NSL1: variants seen among roughly 807,000 people sequenced by gnomAD.
The protein encoded by NSL1 is NSL1 component of MIS12 kinetochore complex.
Under a neutral mutation model 25.4 loss-of-function variants are expected in NSL1, and 11 were observed. That is an observed-to-expected ratio of 0.43 (90% CI 0.27 to 0.72). NSL1 has a LOEUF of 0.72. NSL1 is among the 30% of genes least tolerant of loss of function. The probability of loss-of-function intolerance (pLI) is 0.19; values close to 1 mark genes in which losing one functional copy is unlikely to be tolerated. For synonymous variants in NSL1, 118 were observed against 120.6 expected (o/e 0.98, Z 0.14); for missense variants, 330 against 342.7 (o/e 0.96, Z 0.29).
chr1:212,791,700 T>C lies in NSL1; in HGVS notation c.64A>G (p.Thr22Ala). The change falls in exon 1 of 6, where the codon ACA (threonine) becomes GCA (alanine). Residue 22 changes from threonine to alanine, a missense_variant. Thr to Ala is a moderately conservative substitution (Grantham distance 58, BLOSUM62 0). Transcript: ENST00000366977. ...GCGGAGACCAAGGCCTGGCTCTCTG[T>C]GCCAGCCGCGAGCTCCTTGTCCCAT... The part of the protein sequence containing the change: ...PPWDKELAAG[T>A]ESQALVSATP... 6.2e-7 allele frequency: 1 copy of C among 1,613,864 alleles called. No individual in the cohort carries two copies. The highest frequency in any genetic ancestry group is 8.5e-7 in the Non-Finnish European group (1 of 1,179,970).
intron 4 of NSL1, among the ~76,000 whole-genome samples, chr1:212,773,944 G>GA (rs958398290): frequency 4.5e-4 from 63 of 139,574 alleles, no homozygotes; most frequent in East Asian, 1.0e-3. Context: ...AAGACAAAAA[G>GA]AAAAAAAAAA....
In NSL1 at chr1:212,728,839, CTA is replaced by C. The variant is rs371486460; in HGVS notation, c.*9567_*9568del. 1.0e-6 allele frequency: 1 copy of C among 985,324 alleles called. No homozygotes were observed. The highest frequency in any genetic ancestry group is 1.2e-6 in the Non-Finnish European group (1 of 829,910). The allele number at this position is 985,324 out of a possible 1,614,324, so 61.0% of individuals were successfully genotyped here. On this transcript the variant is annotated 3_prime_UTR_variant, in exon 6 of 6. Coordinates refer to ENST00000366977, the MANE Select transcript of NSL1 (RefSeq NM_015471.4). ...GCCCTCAGCGCAGAGAAAATTAAGT[CTA>C]GTGTTTGCAGGAGGGCAAGACTGGG...
rs1010919082 is a variant in NSL1 at position 212,733,875 on chromosome 1, A to C, written c.*4533T>G. On this transcript the variant is annotated 3_prime_UTR_variant, in exon 6 of 6. Transcript: ENST00000366977. Reference sequence around the variant, plus strand: ...CTGCATTATCTCTTTGATAATTTTGACTCTGCTGCTTTTTCTGCATGCTAT... The same window carrying C: ...CTGCATTATCTCTTTGATAATTTTGCCTCTGCTGCTTTTTCTGCATGCTAT... 4.6e-5 allele frequency among the ~76,000 whole-genome samples: 7 copies of C among 152,132 alleles called. No individual in the cohort carries two copies. Among genetic ancestry groups the C allele is most frequent in the Non-Finnish European group, 1.5e-5 (1 of 68,030 alleles).
chr1:212,728,916 GTTTA>G lies in NSL1; in HGVS notation c.*9488_*9491del, dbSNP rs1166984932. 1 of 985,358 alleles carries G rather than the reference GTTTA, an allele frequency of 1.0e-6. No individual in the cohort carries two copies. Among genetic ancestry groups the G allele is most frequent in the Non-Finnish European group, 1.2e-6 (1 of 829,918 alleles). The allele number at this position is 985,358 out of a possible 1,614,324, so 61.0% of individuals were successfully genotyped here. On this transcript the variant is annotated 3_prime_UTR_variant, in exon 6 of 6. Coordinates refer to ENST00000366977, the MANE Select transcript of NSL1 (RefSeq NM_015471.4). The stretch of plus-strand genomic sequence containing the variant: ...GTCCACCACTCTGGCAAAGAGCAGT[GTTTA>G]TTTGTGTGTTTGAACGTTTGTTCCC...
chr1:212,768,336 A>AC (rs1558054934), intron 4 of NSL1, among the ~76,000 whole-genome samples: 1 of 151,430 alleles, frequency 6.6e-6, no homozygotes, highest in African/African-American at 2.4e-5. Context: ...AAAAAAAAAA[A>AC]AAAAAAAACT....
chr1:212,727,939 G>C lies in NSL1; in HGVS notation c.*10469C>G. The C allele has an allele frequency of 1.0e-6, 1 of 985,402 alleles. No homozygotes were observed. The highest frequency in any genetic ancestry group is 1.2e-6 in the Non-Finnish European group (1 of 829,918). 61.0% of individuals were successfully genotyped at this position (985,402 alleles called of 1,614,324 possible). On this transcript the variant is annotated 3_prime_UTR_variant, in exon 6 of 6. Transcript: ENST00000366977. ...ACCAACGAGGTCGCTGTGGTGTAGC[G>C]GTGAGAGCGTCTGAGACTCTGGACA...
intron 4 of NSL1, among the ~76,000 whole-genome samples, chr1:212,757,846 T>C (rs1659386063): frequency 6.6e-6 from 1 of 152,184 alleles, no homozygotes; most frequent in Non-Finnish European, 1.5e-5. Flanking sequence ...AAAGCTATTA[T>C]AGTGGTCCTA....
At chr1:212,769,978 C>T (rs956007426) in intron 4 of NSL1, among the ~76,000 whole-genome samples, 1 of 151,954 alleles carries the variant, frequency 6.6e-6, no homozygotes, top group African/African-American at 2.4e-5. Flanking sequence ...AAAACACATA[C>T]AGACTAAAAG....
Position 212,732,299 on chromosome 1 carries a change from T to C in NSL1, c.*6109A>G. 2.1e-6 allele frequency: 2 copies of C among 966,826 alleles called. No individual in the cohort carries two copies. The highest frequency in any genetic ancestry group is 2.5e-6 in the Non-Finnish European group (2 of 815,048). The allele number at this position is 966,826 out of a possible 1,614,324, so 59.9% of individuals were successfully genotyped here. On this transcript the variant is annotated 3_prime_UTR_variant, in exon 6 of 6. Transcript: ENST00000366977. ...TATTTTTTTCTGAAAATATCTCTTT[T>C]GGAGTCCTACATAGTCCTTTTTTTT...
At chr1:212,783,620 T>C (rs940162030) in intron 3 of NSL1, among the ~76,000 whole-genome samples, 1 of 152,204 alleles carries the variant, frequency 6.6e-6, no homozygotes, top group Non-Finnish European at 1.5e-5. Context: ...AAACACAACA[T>C]GTACCTCACT....
intron 4 of NSL1, among the ~76,000 whole-genome samples, chr1:212,745,477 T>C (rs1658744518): frequency 6.6e-6 from 1 of 152,014 alleles, no homozygotes; most frequent in African/African-American, 2.4e-5. Flanking sequence ...AGAGAAGTGA[T>C]TCATTACATA....
chr1:212,750,625 G>C (rs1659025400), intron 4 of NSL1, among the ~76,000 whole-genome samples: 1 of 152,110 alleles, frequency 6.6e-6, no homozygotes, highest in African/African-American at 2.4e-5. Context: ...AGTTCTGTTA[G>C]ACACAACAGA....
intron 4 of NSL1, among the ~76,000 whole-genome samples, chr1:212,764,843 C>CAAAAAAAAAAA (rs3086471): frequency 1.5e-4 from 6 of 38,864 alleles, no homozygotes; most frequent in African/African-American, 2.4e-4. Flanking sequence ...AAGACTGTCT[C>CAAAAAAAAAAA]AAAAAAAAAA....
chr1:212,730,528 G>A lies in NSL1; in HGVS notation c.*7880C>T, dbSNP rs908647232. On this transcript the variant is annotated 3_prime_UTR_variant, in exon 6 of 6. Coordinates refer to ENST00000366977, the MANE Select transcript of NSL1 (RefSeq NM_015471.4). Reference sequence around the variant, plus strand: ...ATAGAAATGCCCAATCTTTTACACAGGCACAGGAGTCAGCTGGAGCAGAAG... The same window carrying A: ...ATAGAAATGCCCAATCTTTTACACAAGCACAGGAGTCAGCTGGAGCAGAAG... 2 of 985,062 alleles carry A rather than the reference G, an allele frequency of 2.0e-6. No homozygotes were observed. Among genetic ancestry groups the A allele is most frequent in the African/African-American group, 3.5e-5 (2 of 57,244 alleles). 61.0% of individuals were successfully genotyped at this position (985,062 alleles called of 1,614,324 possible).
chr1:212,741,978 T>A (rs1439047646), intron 4 of NSL1, among the ~76,000 whole-genome samples: 1 of 152,172 alleles, frequency 6.6e-6, no homozygotes, highest in African/African-American at 2.4e-5. Flanking sequence ...TCTAGTACAA[T>A]GCCTGGAAGA....
chr1:212,749,223 T>A (rs1407540746), intron 4 of NSL1, among the ~76,000 whole-genome samples: 2 of 152,090 alleles, frequency 1.3e-5, no homozygotes, highest in Non-Finnish European at 2.9e-5. Context: ...ATATGAAAAG[T>A]TATCTTTTAT....
chr1:212,734,975 A>G lies in NSL1; in HGVS notation c.*3433T>C, dbSNP rs1658176354. 6.6e-6 allele frequency among the ~76,000 whole-genome samples: 1 copy of G among 152,254 alleles called. No individual in the cohort carries two copies. The highest frequency in any genetic ancestry group is 2.1e-4 in the South Asian group (1 of 4,834). ...CATAGAGTACTCATATGCACCAGTT[A>G]TTAGTCTAAGGCCTTCACATTATGA... On this transcript the variant is annotated 3_prime_UTR_variant, in exon 6 of 6. Coordinates refer to ENST00000366977, the MANE Select transcript of NSL1 (RefSeq NM_015471.4).
intron 1 of NSL1, among the ~76,000 whole-genome samples, chr1:212,788,578 T>A (rs984779043): frequency 1.3e-4 from 20 of 152,080 alleles, no homozygotes; most frequent in African/African-American, 4.3e-4. Flanking sequence ...TTCATCAAAA[T>A]TTTTTTTAAA....
At chr1:212,748,993 A>G (rs1658935156) in intron 4 of NSL1, among the ~76,000 whole-genome samples, 1 of 152,180 alleles carries the variant, frequency 6.6e-6, no homozygotes, top group East Asian at 1.9e-4. Context: ...AAAACATAAT[A>G]GGCACAGTAT....
Sources: allele counts gnomAD v4.1 joint callset (sites outside exome capture counted in the v4.1 genomes callset), GRCh38; gene constraint gnomAD v4.1.1; transcripts MANE v1.5; gene names NCBI Gene and HGNC (gene_info 2026-07-23, HGNC 2026-07-21).